The following JAK2 variants were observed in gnomAD, a reference collection of about 807,000 sequenced individuals.
JAK2 encodes tyrosine-protein kinase JAK2.
In JAK2, 86 loss-of-function variants were observed where a neutral mutation model predicts 139.3. That is an observed-to-expected ratio of 0.62 (90% CI 0.52 to 0.74). The LOEUF (loss-of-function observed/expected upper bound fraction) is 0.74, where lower values mean the gene tolerates loss of function less well. Ranked by LOEUF, JAK2 falls within the 30% of genes least tolerant of loss-of-function variation. The probability of loss-of-function intolerance (pLI) is 0.00; values close to 1 mark genes in which losing one functional copy is unlikely to be tolerated. For synonymous variants in JAK2, 490 were observed against 437.7 expected, an observed-to-expected ratio of 1.12 and a Z score of -1.49; for missense variants, 1,421 against 1,360.3, an observed-to-expected ratio of 1.04 and a Z score of -0.70.
chr9:4,994,725 G>A (rs969137618), intron 2 of JAK2, among the ~76,000 whole-genome samples: 41 of 152,080 alleles, frequency 2.7e-4, no homozygotes, highest in African/African-American at 9.2e-4. Context: ...TGGTATGTGT[G>A]AACTGTGCTC....
chr9:5,104,149 A>G (rs1821760776), intron 22 of JAK2, among the ~76,000 whole-genome samples: 1 of 152,208 alleles, frequency 6.6e-6, no homozygotes, highest in Non-Finnish European at 1.5e-5. Flanking sequence ...AAGATCAACA[A>G]AATAGATACA....
At chr9:5,039,939 T>C (rs891928545) in intron 4 of JAK2, among the ~76,000 whole-genome samples, 4 of 152,312 alleles carry the variant, frequency 2.6e-5, no homozygotes, top group African/African-American at 9.6e-5. Flanking sequence ...TAAATGTCTT[T>C]ATTGCAGAAA....
intron 22 of JAK2, chr9:5,110,910 G>C (rs945861007): frequency 1.2e-5 from 7 of 561,120 alleles, no homozygotes; most frequent in South Asian, 1.1e-4. Flanking sequence ...CTGGCCCCAA[G>C]AGAATGAACC....
intron 22 of JAK2, among the ~76,000 whole-genome samples, chr9:5,103,266 C>G (rs1487152966): frequency 3.1e-5 from 3 of 96,136 alleles, no homozygotes; most frequent in Non-Finnish European, 6.1e-5. Context: ...GCAGGAGTTG[C>G]AATCCCGGTC....
chr9:5,076,488 T>G (rs1053410772), intron 14 of JAK2, among the ~76,000 whole-genome samples: 1 of 152,184 alleles, frequency 6.6e-6, no homozygotes, highest in African/African-American at 2.4e-5. Context: ...CATTAGCACC[T>G]TTTTTGGCAA....
chr9:5,114,463 C>A, intron 22 of JAK2: 1 of 469,724 alleles, frequency 2.1e-6, no homozygotes, highest in South Asian at 1.9e-5. Flanking sequence ...CTGCAGTCCA[C>A]GACCAAGATC....
At chr9:5,085,922 C>T (rs771414297) in intron 19 of JAK2, 7 of 1,059,192 alleles carry the variant, frequency 6.6e-6, no homozygotes, top group Non-Finnish European at 1.0e-5. Flanking sequence ...ACAGACCTTT[C>T]AAGTCTCTCC....
chr9:5,085,059 A>C, intron 19 of JAK2: 1 of 715,612 alleles, frequency 1.4e-6, no homozygotes, highest in Non-Finnish European at 2.5e-6. Flanking sequence ...TGGGGATGAG[A>C]AGTTTACTGC....
chr9:5,081,776 C>T lies in JAK2; in HGVS notation c.2486C>T (p.Ala829Val), dbSNP rs780436609. ...NDMLPNMRIG[A>V]LGFSGAFEDR... is the part of the protein sequence containing the mutation. The stretch of plus-strand genomic sequence containing the variant: ...ATGTTACCAAATATGAGGATAGGTG[C>T]CCTGGGGTTTTCTGGTGCCTTTGAA... The change falls in exon 19 of 25, where the codon GCC becomes GTC. Residue 829 changes from alanine to valine, a missense_variant. Coordinates refer to ENST00000381652, the MANE Select transcript of JAK2 (RefSeq NM_004972.4). The T allele has an allele frequency of 3.7e-6, 6 of 1,604,984 alleles. No homozygotes were observed. The highest frequency in any genetic ancestry group is 4.3e-6 in the Non-Finnish European group (5 of 1,171,816).
At chr9:5,057,465 C>T (rs915383150) in intron 8 of JAK2, among the ~76,000 whole-genome samples, 5 of 151,904 alleles carry the variant, frequency 3.3e-5, no homozygotes, top group Non-Finnish European at 7.4e-5. Context: ...AGTATATTCA[C>T]TTTTGCATCC....
intron 2 of JAK2, among the ~76,000 whole-genome samples, chr9:4,991,326 C>G (rs1820228273): frequency 1.3e-5 from 2 of 152,104 alleles, no homozygotes; most frequent in African/African-American, 4.8e-5. Flanking sequence ...TTCTTCTGTT[C>G]ATCTTTTTAG....
At chr9:5,032,542 A>G (rs1823239468) in intron 4 of JAK2, among the ~76,000 whole-genome samples, 1 of 152,200 alleles carries the variant, frequency 6.6e-6, no homozygotes, top group African/African-American at 2.4e-5. Context: ...CTCCTCTGAG[A>G]CAAAACTTCC....
intron 4 of JAK2, among the ~76,000 whole-genome samples, chr9:5,039,497 G>A (rs978947584): frequency 5.1e-4 from 78 of 152,110 alleles, no homozygotes; most frequent in African/African-American, 1.8e-3. Flanking sequence ...TGCAGATTTT[G>A]GTATGTGTGG....
intron 4 of JAK2, among the ~76,000 whole-genome samples, chr9:5,043,877 A>C (rs1400636513): frequency 6.6e-6 from 1 of 152,220 alleles, no homozygotes; most frequent in Non-Finnish European, 1.5e-5. Context: ...TTAGATTGTG[A>C]TATTTGTACA....
intron 2 of JAK2, among the ~76,000 whole-genome samples, chr9:5,003,218 C>T (rs910053939): frequency 2.6e-5 from 4 of 151,856 alleles, no homozygotes; most frequent in African/African-American, 9.7e-5. Flanking sequence ...TTGTTTTTCA[C>T]AGACTTTAGG....
chr9:5,031,273 T>C (rs1823127275), intron 4 of JAK2, among the ~76,000 whole-genome samples: 1 of 152,186 alleles, frequency 6.6e-6, no homozygotes, highest in East Asian at 1.9e-4. Flanking sequence ...ACCTGGCAAT[T>C]GTAAAATATT....
At chr9:5,012,950 T>C (rs895922376) in intron 2 of JAK2, among the ~76,000 whole-genome samples, 14 of 151,940 alleles carry the variant, frequency 9.2e-5, no homozygotes, top group African/African-American at 3.4e-4. Context: ...AGGAGAGAAA[T>C]AATAGCTGTT....
intron 2 of JAK2, among the ~76,000 whole-genome samples, chr9:5,012,751 T>C (rs1587824916): frequency 6.6e-6 from 1 of 152,204 alleles, no homozygotes; most frequent in Non-Finnish European, 1.5e-5. Context: ...TATTGAAGCC[T>C]ATAATTTAGT....
Position 5,050,929 on chromosome 9 carries a change from AATACT to A in JAK2, c.614+100_614+104del. 84 of 982,352 alleles carry A rather than the reference AATACT, an allele frequency of 8.6e-5. 2 individuals carry two copies. The highest frequency in any genetic ancestry group is 7.9e-4 in the South Asian group (54 of 68,098). The allele number at this position is 982,352 out of a possible 1,614,324, so 60.9% of individuals were successfully genotyped here. ...GTTTACCCATGCCTTTTGATTTTGT[AATACT>A]AGTTAAGTACTCCTTATCTAAAATG... is the stretch of plus-strand genomic sequence containing the variant. On this transcript the variant is annotated intron_variant, in intron 6 of 24. Transcript: ENST00000381652.
Sources: gnomAD v4.1 joint callset for allele counts (sites outside exome capture counted in the v4.1 genomes callset) on GRCh38, gnomAD v4.1.1 for gene constraint, MANE v1.5 for transcripts, NCBI Gene and HGNC (gene_info 2026-07-23, HGNC 2026-07-21) for gene names.